PSD: variants seen among roughly 807,000 people sequenced by gnomAD.
PSD encodes the protein PH and SEC7 domain-containing protein 1.
PSD carries 32 observed loss-of-function variants against 91.6 expected under a neutral mutation model. That is an observed-to-expected ratio of 0.35 (90% CI 0.26 to 0.47). PSD has a LOEUF of 0.47. PSD is among the 20% of genes least tolerant of loss of function. The pLI is 1.00. For synonymous variants in PSD, 532 were observed against 569.3 expected (o/e 0.93, Z 0.93); for missense variants, 1,099 against 1,373.9 (o/e 0.80, Z 3.16).
At position 102,404,695 on chromosome 10, in the gene PSD, C is replaced by A; in HGVS notation, c.2588G>T (p.Arg863Leu). 6.3e-7 allele frequency: 1 copy of A among 1,599,248 alleles called. No homozygotes were observed. The highest frequency in any genetic ancestry group is 8.5e-7 in the Non-Finnish European group (1 of 1,171,700). ...SLEQMQSWITRINVVAAMFSA... is the reference protein window; with the variant it reads ...SLEQMQSWITLINVVAAMFSA... ...GAACATAGCGGCTACTACATTGATG[C>A]GAGTGATCCAGGACTGCATCTGCTC... Residue 863 changes from arginine to leucine, a missense_variant, in exon 15 of 17, where the codon CGC becomes CTC. By Grantham distance (102) the Arg-to-Leu change is moderately radical (BLOSUM62 -2). Coordinates refer to ENST00000020673, the MANE Select transcript of PSD (RefSeq NM_002779.5). This position sits in a 1 kb window ranked among gnomAD's most constrained non-coding sequence, Gnocchi z 5.7.
Position 102,409,382 on chromosome 10 carries a change from C to T in PSD, c.2091+1476G>A, listed in dbSNP as rs1412721406. 2 of 984,452 alleles carry T rather than the reference C, an allele frequency of 2.0e-6. No homozygotes were observed. The highest frequency in any genetic ancestry group is 2.4e-6 in the Non-Finnish European group (2 of 829,020). 61.0% of individuals were successfully genotyped at this position (984,452 alleles called of 1,614,324 possible). Reference sequence around the variant, plus strand: ...GGCGCCCGATCGCGAAGGGGGCCCTCCCCGCGCGGCCACGGGGAGGAGCCT... The same window carrying T: ...GGCGCCCGATCGCGAAGGGGGCCCTTCCCGCGCGGCCACGGGGAGGAGCCT... On this transcript the variant is annotated intron_variant, in intron 10 of 16. Coordinates refer to ENST00000020673, the MANE Select transcript of PSD (RefSeq NM_002779.5). The surrounding 1 kb of genome is among the most constrained non-coding windows in gnomAD (Gnocchi z 5.7).
At chr10:102,406,544 G>C (rs2061363179) in intron 11 of PSD, among the ~76,000 whole-genome samples, 1 of 136,680 alleles carries the variant, frequency 7.3e-6, no homozygotes, top group Non-Finnish European at 1.5e-5. Context: ...GTCTCTCTCT[G>C]TCACCCAGGC....
At position 102,409,590 on chromosome 10, in the gene PSD, T is replaced by A. The variant is rs1390916114; in HGVS notation, c.2091+1268A>T. ...CTTTTCCACTGAGCCAAGAGGGGCC[T>A]CGAGGGAGGACGGAGGCAGGGAAGG... is the stretch of plus-strand genomic sequence containing the variant. On this transcript the variant is annotated intron_variant, in intron 10 of 16. Transcript: ENST00000020673. The surrounding 1 kb of genome is among the most constrained non-coding windows in gnomAD (Gnocchi z 5.7). Among the ~76,000 whole-genome samples, 1 of 152,026 alleles carries A rather than the reference T, an allele frequency of 6.6e-6. No homozygotes were observed. Among genetic ancestry groups the A allele is most frequent in the African/African-American group, 2.4e-5 (1 of 41,374 alleles).
chr10:102,418,451 C>T (rs1483159927), intron 1 of PSD, among the ~76,000 whole-genome samples: 2 of 152,074 alleles, frequency 1.3e-5, no homozygotes, highest in Non-Finnish European at 2.9e-5. Flanking sequence ...ACACACCGTC[C>T]CCTCCCCCCC....
chr10:102,411,847 T>C, intron 7 of PSD, 28 bp from the exon 8 acceptor site: 1 of 1,535,080 alleles, frequency 6.5e-7, no homozygotes, highest in East Asian at 2.3e-5. Flanking sequence ...GAGGGTTGCC[T>C]AGCAACCAGG....
intron 10 of PSD, among the ~76,000 whole-genome samples, chr10:102,408,278 C>T (rs1302627147): frequency 1.3e-5 from 2 of 152,196 alleles, no homozygotes; most frequent in Non-Finnish European, 2.9e-5. Flanking sequence ...CCCCTTCACT[C>T]CTCCCAACAA....
Position 102,416,485 on chromosome 10 carries a change from G to C in PSD, c.554C>G (p.Ala185Gly). The C allele has an allele frequency of 6.2e-7, 1 of 1,613,570 alleles. No individual in the cohort carries two copies. The highest frequency in any genetic ancestry group is 8.5e-7 in the Non-Finnish European group (1 of 1,179,764). ...HGPPAPPQVG[A>G]DGLYSSLPNG... Reference sequence around the variant, plus strand: ...GGGGAGAGAGGAGTAAAGGCCATCTGCTCCAACCTGGGGTGGGGCTGGCGG... The same window carrying C: ...GGGGAGAGAGGAGTAAAGGCCATCTCCTCCAACCTGGGGTGGGGCTGGCGG... Residue 185 changes from alanine (A) to glycine (G), a missense_variant, in exon 2 of 17, where the codon GCA (alanine) becomes GGA (glycine). Coordinates refer to ENST00000020673, the MANE Select transcript of PSD (RefSeq NM_002779.5). This position sits in a 1 kb window ranked among gnomAD's most constrained non-coding sequence, Gnocchi z 6.0.
Position 102,404,475 on chromosome 10 carries a change from C to A in PSD, c.2700+108G>T. ...CCTGCTCACCCCTGTGGCCAGCATCCTGGTGCAGGGGACATCTCCACGATC... is the reference window on the plus strand; with the variant it reads ...CCTGCTCACCCCTGTGGCCAGCATCATGGTGCAGGGGACATCTCCACGATC... On this transcript the variant is annotated intron_variant, in intron 15 of 16. Coordinates refer to ENST00000020673, the MANE Select transcript of PSD (RefSeq NM_002779.5). This position sits in a 1 kb window ranked among gnomAD's most constrained non-coding sequence, Gnocchi z 5.7. 1 of 1,393,532 alleles carries A rather than the reference C, an allele frequency of 7.2e-7. No individual in the cohort carries two copies. Among genetic ancestry groups the A allele is most frequent in the South Asian group, 1.4e-5 (1 of 71,102 alleles). 86.3% of individuals were successfully genotyped at this position (1,393,532 alleles called of 1,614,324 possible).
chr10:102,408,147 C>T (rs1364837361), intron 10 of PSD, among the ~76,000 whole-genome samples: 2 of 152,166 alleles, frequency 1.3e-5, no homozygotes, highest in East Asian at 1.9e-4. Flanking sequence ...TCAGCCTGTC[C>T]GTGAGTGGGT....
chr10:102,416,150 G>C lies in PSD; in HGVS notation c.655-31C>G, dbSNP rs375606338. On this transcript the variant is annotated intron_variant, in intron 2 of 16. Coordinates refer to ENST00000020673, the MANE Select transcript of PSD (RefSeq NM_002779.5). This position sits in a 1 kb window ranked among gnomAD's most constrained non-coding sequence, Gnocchi z 6.0. ...CCAACGAGGGAGACACAGGCACCCA[G>C]AGATAAAGCCAGACATACAAGGACA... 6.0e-5 allele frequency: 92 copies of C among 1,529,900 alleles called. No homozygotes were observed. The highest frequency in any genetic ancestry group is 1.7e-5 in the Admixed American group (1 of 57,640). The allele number at this position is 1,529,900 out of a possible 1,614,324, so 94.8% of individuals were successfully genotyped here. A position where few individuals can be genotyped will look rare whatever the true frequency, so the allele number is the denominator to read the frequency against.
chr10:102,403,182 C>T lies in PSD; in HGVS notation c.*18G>A, dbSNP rs1256858582. On this transcript the variant is annotated 3_prime_UTR_variant, in exon 17 of 17. Transcript: ENST00000020673. This position sits in a 1 kb window ranked among gnomAD's most constrained non-coding sequence, Gnocchi z 6.7. The stretch of plus-strand genomic sequence containing the variant: ...TCCTTCAGGTGCCCAGCAGGCACTC[C>T]CCACCCTAAACCTCATCTCAGGGCT... 6.7e-7 allele frequency: 1 copy of T among 1,488,534 alleles called. No homozygotes were observed. The highest frequency in any genetic ancestry group is 1.4e-5 in the South Asian group (1 of 73,316). The allele number at this position is 1,488,534 out of a possible 1,614,324, so 92.2% of individuals were successfully genotyped here. A position where few individuals can be genotyped will look rare whatever the true frequency, so the allele number is the denominator to read the frequency against.
Position 102,404,833 on chromosome 10 carries a change from C to G in PSD, c.2555+65G>C. On this transcript the variant is annotated intron_variant, in intron 14 of 16. Coordinates refer to ENST00000020673, the MANE Select transcript of PSD (RefSeq NM_002779.5). This position sits in a 1 kb window ranked among gnomAD's most constrained non-coding sequence, Gnocchi z 5.7. ...GAGAAGGAATGAAAAAATCCAGGGA[C>G]AGGGAGGGGAGCAGGATGGGAGGTG... The G allele has an allele frequency of 1.3e-6, 2 of 1,584,312 alleles. No individual in the cohort carries two copies. Among genetic ancestry groups the G allele is most frequent in the South Asian group, 2.3e-5 (2 of 87,268 alleles).
rs993669427 is a variant in PSD at position 102,410,585 on chromosome 10, C to G, written c.2091+273G>C. Among the ~76,000 whole-genome samples, 1 of 152,230 alleles carries G rather than the reference C, an allele frequency of 6.6e-6. No homozygotes were observed. Among genetic ancestry groups the G allele is most frequent in the Non-Finnish European group, 1.5e-5 (1 of 68,032 alleles). ...GGGAACTGAAGGCAAACGCAGGGGCCGGGGCCGCCTGCTCGCGTTTTCCAG... is the reference window on the plus strand; with the variant it reads ...GGGAACTGAAGGCAAACGCAGGGGCGGGGGCCGCCTGCTCGCGTTTTCCAG... On this transcript the variant is annotated intron_variant, in intron 10 of 16. Transcript: ENST00000020673. This position sits in a 1 kb window ranked among gnomAD's most constrained non-coding sequence, Gnocchi z 6.0.
rs35527887 is a variant in PSD at position 102,404,347 on chromosome 10, CAAAAAA to C, written c.2700+230_2700+235del. On this transcript the variant is annotated intron_variant, in intron 15 of 16. Coordinates refer to ENST00000020673, the MANE Select transcript of PSD (RefSeq NM_002779.5). The surrounding 1 kb of genome is among the most constrained non-coding windows in gnomAD (Gnocchi z 5.7). ...TGGGCAACAGAGCGAGACTCCATCT[CAAAAAA>C]AAAAAAAAAAAAGATGCCCCTTCCT... 9.7e-6 allele frequency among the ~76,000 whole-genome samples: 1 copy of C among 103,028 alleles called. No homozygotes were observed. The allele number at this position is 103,028 out of a possible 152,430, so 67.6% of individuals were successfully genotyped here. A position where few individuals can be genotyped will look rare whatever the true frequency, so the allele number is the denominator to read the frequency against.
At chr10:102,411,180 C>T (rs1419971319) in intron 8 of PSD, 64 bp from the exon 9 acceptor site, 1 of 1,490,486 alleles carries the variant, frequency 6.7e-7, no homozygotes, top group Non-Finnish European at 9.1e-7. Context: ...GCCATCTTCC[C>T]CAACCTCCCA....
At chr10:102,415,334 CTTT>C in intron 3 of PSD, 105 bp from the exon 4 acceptor site, 2 of 1,331,888 alleles carry the variant, frequency 1.5e-6, no homozygotes, top group East Asian at 2.4e-5. Context: ...ACAGGAAGTT[CTTT>C]CACTGTCTAG....
chr10:102,410,772 T>G lies in PSD; in HGVS notation c.2091+86A>C. ...GCCGGGGGTCGGCAAGCCCCAGCCC[T>G]GCCCTCCCTCCGACTCTGGACTCCG... is the stretch of plus-strand genomic sequence containing the variant. On this transcript the variant is annotated intron_variant, in intron 10 of 16. Coordinates refer to ENST00000020673, the MANE Select transcript of PSD (RefSeq NM_002779.5). The surrounding 1 kb of genome is among the most constrained non-coding windows in gnomAD (Gnocchi z 6.0). 6 of 634,834 alleles carry G rather than the reference T, an allele frequency of 9.5e-6. No individual in the cohort carries two copies. The highest frequency in any genetic ancestry group is 1.4e-5 in the Non-Finnish European group (5 of 348,940). 39.3% of individuals were successfully genotyped at this position (634,834 alleles called of 1,614,324 possible).
At chr10:102,408,505 T>A (rs1221477140) in intron 10 of PSD, among the ~76,000 whole-genome samples, 1 of 151,868 alleles carries the variant, frequency 6.6e-6, no homozygotes, top group Non-Finnish European at 1.5e-5. Context: ...CTCAGACCCT[T>A]AACCCTCACT....
upstream of PSD, chr10:102,418,822 C>T (rs1435058397): frequency 2.5e-5 from 10 of 401,044 alleles, no homozygotes; most frequent in African/African-American, 1.4e-4. Context: ...CCTCCCCCTA[C>T]CCCCTACGCG....
Sources: allele counts gnomAD v4.1 joint callset (sites outside exome capture counted in the v4.1 genomes callset), GRCh38; gene constraint gnomAD v4.1.1; non-coding constraint Gnocchi (gnomAD v3.1); transcripts MANE v1.5; gene names NCBI Gene and HGNC (gene_info 2026-07-23, HGNC 2026-07-21).